The following HTR5A variants were observed in gnomAD, a reference collection of about 807,000 sequenced individuals.
The protein encoded by HTR5A is 5-HT-5.
HTR5A carries 21 observed loss-of-function variants against 24.3 expected under a neutral mutation model. That is an observed-to-expected ratio of 0.86 (90% confidence interval 0.61 to 1.24). The LOEUF is 1.24. HTR5A is among the 50% of genes most tolerant of loss of function. HTR5A has a pLI of 0.00. For synonymous variants in HTR5A, 260 were observed against 213.7 expected (o/e 1.22, Z -1.89); for missense variants, 497 against 489.5 (o/e 1.02, Z -0.15).
At chr7:155,083,845 T>C (rs978460719) in intron 1 of HTR5A, among the ~76,000 whole-genome samples, 1 of 152,238 alleles carries the variant, frequency 6.6e-6, no homozygotes, top group African/African-American at 2.4e-5. Flanking sequence ...CACTAAGTTG[T>C]GCATGCCATG....
At chr7:155,078,613 T>C (rs1795382809) in intron 1 of HTR5A, among the ~76,000 whole-genome samples, 1 of 152,148 alleles carries the variant, frequency 6.6e-6, no homozygotes, top group South Asian at 2.1e-4. Flanking sequence ...ATGCCCAGAT[T>C]CATTTAGTTT....
rs147688293 is a variant in HTR5A at position 155,070,987 on chromosome 7, C to T, written c.88C>T (p.Arg30Cys). The T allele has an allele frequency of 1.1e-5, 17 of 1,611,612 alleles. No homozygotes were observed. Among genetic ancestry groups the T allele is most frequent in the Admixed American group, 8.3e-5 (5 of 60,012 alleles). ...TNHSLGKDDL[R>C]PSSPLLSVFG... ...CCACAGCCTCGGCAAAGACGACCTG[C>T]GCCCCAGCTCGCCCCTGCTCTCGGT... The change falls in exon 1 of 2, where the codon CGC becomes TGC. Residue 30 changes from arginine (R) to cysteine (C), a missense_variant. By Grantham distance (180) the Arg-to-Cys change is radical. Transcript: ENST00000287907.
rs77822614 is a variant in HTR5A, at chr7:155,080,874, T to G, written c.742-3281T>G. 3.3e-5 allele frequency among the ~76,000 whole-genome samples: 5 copies of G among 152,308 alleles called. No individual in the cohort carries two copies. The East Asian group carries it at 9.7e-4, about 29-fold the overall frequency. ...TTTTCTGCTGGAATGGGGTTTTCTG[T>G]TGGATGATTGGTGCTCAGAAGTGTG... On this transcript the variant is annotated intron_variant, in intron 1 of 1. Coordinates refer to ENST00000287907, the MANE Select transcript of HTR5A (RefSeq NM_024012.4).
intron 1 of HTR5A, 96 bp downstream of exon 1, chr7:155,071,736 G>A (rs2150816457): frequency 2.2e-6 from 3 of 1,371,212 alleles, no homozygotes; most frequent in Non-Finnish European, 9.9e-7. Context: ...GTAGAAAATG[G>A]AACTTTTTGT....
Position 155,070,914 on chromosome 7 carries a change from G to A in HTR5A, c.15G>A (p.Val5=), listed in dbSNP as rs747156127. MDLP[V]NLTSFSLSTP... The stretch of plus-strand genomic sequence containing the variant: ...CTGACCCAGAGATGGATTTACCTGT[G>A]AACCTAACCTCCTTTTCCCTCTCCA... The change falls in exon 1 of 2, where the codon GTG becomes GTA. Residue 5 remains valine, a synonymous_variant. Transcript: ENST00000287907. 8.7e-6 allele frequency: 14 copies of A among 1,602,094 alleles called. No homozygotes were observed. Among genetic ancestry groups the A allele is most frequent in the Non-Finnish European group, 1.2e-5 (14 of 1,178,898 alleles).
At chr7:155,071,727 T>C (rs909717917) in intron 1 of HTR5A, 87 bp downstream of exon 1, 5 of 1,421,068 alleles carry the variant, frequency 3.5e-6, no homozygotes, top group Non-Finnish European at 3.8e-6. Flanking sequence ...CCCACACTTG[T>C]AGAAAATGGA....
At chr7:155,071,736 G>C in intron 1 of HTR5A, 96 bp downstream of exon 1, 2 of 1,371,212 alleles carry the variant, frequency 1.5e-6, no homozygotes, top group Non-Finnish European at 2.0e-6. Flanking sequence ...GTAGAAAATG[G>C]AACTTTTTGT....
chr7:155,079,707 G>A (rs1209228844), intron 1 of HTR5A, among the ~76,000 whole-genome samples: 1 of 152,172 alleles, frequency 6.6e-6, no homozygotes, highest in Non-Finnish European at 1.5e-5. Context: ...TAAAAAAGAG[G>A]ATTGAGATTT....
At chr7:155,083,770 T>C (rs1795444381) in intron 1 of HTR5A, among the ~76,000 whole-genome samples, 1 of 152,176 alleles carries the variant, frequency 6.6e-6, no homozygotes, top group Non-Finnish European at 1.5e-5. Context: ...GTAGAAAATG[T>C]GGTCCTAAGT....
chr7:155,080,830 G>A (rs530367734), intron 1 of HTR5A, among the ~76,000 whole-genome samples: 24 of 152,184 alleles, frequency 1.6e-4, no homozygotes, highest in Non-Finnish European at 5.9e-5. Flanking sequence ...GTTGGATGGC[G>A]TTTTCTGTTG....
intron 1 of HTR5A, among the ~76,000 whole-genome samples, chr7:155,077,460 T>G (rs6959305): frequency 0.043 from 4,361 of 101,284 alleles, 191 homozygotes; most frequent in African/African-American, 0.14. Context: ...AATAGGTTTT[T>G]TTTTTGTTTT....
chr7:155,080,657 C>T (rs1205720436), intron 1 of HTR5A, among the ~76,000 whole-genome samples: 1 of 152,200 alleles, frequency 6.6e-6, no homozygotes, highest in Non-Finnish European at 1.5e-5. Context: ...AGCAGTCTCC[C>T]AGAGCAGAGC....
At chr7:155,078,751 C>CTTCTT (rs373271702) in intron 1 of HTR5A, among the ~76,000 whole-genome samples, 1 of 139,198 alleles carries the variant, frequency 7.2e-6, no homozygotes, top group Non-Finnish European at 1.5e-5. Flanking sequence ...TTCTGTGCTT[C>CTTCTT]TTTTTTTTTT....
chr7:155,075,755 T>A (rs558656063), intron 1 of HTR5A, among the ~76,000 whole-genome samples: 3 of 152,342 alleles, frequency 2.0e-5, no homozygotes, highest in East Asian at 1.9e-4. Flanking sequence ...ATTCTATTCA[T>A]CATGACTATT....
Position 155,078,660 on chromosome 7 carries a change from G to A in HTR5A, c.742-5495G>A, listed in dbSNP as rs142950813. 2.0e-4 allele frequency among the ~76,000 whole-genome samples: 31 copies of A among 151,284 alleles called. No individual in the cohort carries two copies. The East Asian group carries it at 5.8e-3, about 28-fold the overall frequency. ...TTATTCAACCTCTCCTTAAAAGAAA[G>A]CCTTCTAAAATTACTTTACATAATA... On this transcript the variant is annotated intron_variant, in intron 1 of 1. Transcript: ENST00000287907.
In HTR5A at chr7:155,085,621, G is replaced by A. The variant is rs959763254; in HGVS notation, c.*1134G>A. On this transcript the variant is annotated 3_prime_UTR_variant, in exon 2 of 2. Transcript: ENST00000287907. ...CAGTTAAGTGATGATGCAGCATTTG[G>A]ATGATCATGTAAAACCAGTGTCATT... The A allele has an allele frequency of 6.6e-6, 1 of 151,998 alleles. No individual in the cohort carries two copies. The allele number at this position is 151,998 out of a possible 1,614,324, so 9.4% of individuals were successfully genotyped here. A position where few individuals can be genotyped will look rare whatever the true frequency, so the allele number is the denominator to read the frequency against.
intron 1 of HTR5A, among the ~76,000 whole-genome samples, chr7:155,081,298 G>A (rs1385270972): frequency 6.6e-6 from 1 of 152,066 alleles, no homozygotes; most frequent in Non-Finnish European, 1.5e-5. Flanking sequence ...TGACTATCTA[G>A]GACATTATTA....
rs750993537 is a variant in HTR5A at position 155,084,137 on chromosome 7, C to A, written c.742-18C>A. On this transcript the variant is annotated intron_variant, in intron 1 of 1. Transcript: ENST00000287907. Reference sequence around the variant, plus strand: ...GACTGAGGTGGCTCCTCATAAAGCTCCTGCTTGTCTTTTACAGGTGAAGGA... The same window carrying A: ...GACTGAGGTGGCTCCTCATAAAGCTACTGCTTGTCTTTTACAGGTGAAGGA... 1 of 1,569,118 alleles carries A rather than the reference C, an allele frequency of 6.4e-7. No individual in the cohort carries two copies. The highest frequency in any genetic ancestry group is 8.6e-7 in the Non-Finnish European group (1 of 1,157,474).
chr7:155,074,173 T>C (rs1178998227), intron 1 of HTR5A, among the ~76,000 whole-genome samples: 1 of 152,012 alleles, frequency 6.6e-6, no homozygotes, highest in Non-Finnish European at 1.5e-5. Context: ...ACAACACTTC[T>C]CTCTTGTTTC....
Sources: allele counts gnomAD v4.1 joint callset (sites outside exome capture counted in the v4.1 genomes callset), GRCh38; gene constraint gnomAD v4.1.1; transcripts MANE v1.5; gene names NCBI Gene and HGNC (gene_info 2026-07-23, HGNC 2026-07-21).